The following GNG4 variants were observed in gnomAD, a reference collection of about 807,000 sequenced individuals.
GNG4 encodes guanine nucleotide-binding protein G(I)/G(S)/G(O) subunit gamma-4.
GNG4 carries 4 observed loss-of-function variants against 5.8 expected under a neutral mutation model. The observed-to-expected ratio is 0.69, with a 90% confidence interval of 0.34 to 1.57. GNG4 has a LOEUF of 1.57. GNG4 is among the 40% of genes most tolerant of loss of function. The pLI is 0.06. For missense variants in GNG4, 96 were observed against 95.1 expected (o/e 1.01, Z -0.04); for synonymous variants, 29 against 32.9 (o/e 0.88, Z 0.41).
At chr1:235,611,157 TTC>T (rs1317294841) in intron 1 of GNG4, among the ~76,000 whole-genome samples, 3 of 150,632 alleles carry the variant, frequency 2.0e-5, no homozygotes, top group South Asian at 4.2e-4. Context: ...AGGGCAGAGA[TTC>T]TCTCTCTCTC....
chr1:235,575,628 G>A (rs1038347579), intron 3 of GNG4, among the ~76,000 whole-genome samples: 2 of 152,370 alleles, frequency 1.3e-5, no homozygotes, highest in Middle Eastern at 3.4e-3. Context: ...CAGGACAAAT[G>A]AGACTGGGCA....
intron 3 of GNG4, among the ~76,000 whole-genome samples, chr1:235,567,240 A>G (rs2102923771): frequency 6.6e-6 from 1 of 152,278 alleles, no homozygotes; most frequent in South Asian, 2.1e-4. Flanking sequence ...GGCATAAAAA[A>G]ATGTTTAATT....
intron 1 of GNG4, among the ~76,000 whole-genome samples, chr1:235,619,717 C>T (rs1050504543): frequency 2.0e-5 from 3 of 152,138 alleles, no homozygotes; most frequent in Admixed American, 6.5e-5. Context: ...AGTTCTTCAT[C>T]TTTTCTGTTT....
intron 3 of GNG4, among the ~76,000 whole-genome samples, chr1:235,558,157 G>A (rs979713713): frequency 6.6e-6 from 1 of 152,170 alleles, no homozygotes; most frequent in African/African-American, 2.4e-5. Context: ...CGATCAAGAA[G>A]TGCTCAGTTT....
chr1:235,629,521 A>G (rs73122523), intron 1 of GNG4, among the ~76,000 whole-genome samples: 4,294 of 152,096 alleles, frequency 0.028, 206 homozygotes, highest in African/African-American at 0.095. Flanking sequence ...CTTCTTGTGA[A>G]AAGCCATCTC....
At chr1:235,632,639 AGTCTTCCCTTTTGTAACTGTCTGTC>A (rs1444521949) in intron 1 of GNG4, among the ~76,000 whole-genome samples, 2 of 152,294 alleles carry the variant, frequency 1.3e-5, no homozygotes, top group Middle Eastern at 3.4e-3. Flanking sequence ...TTTGTGTTTT[AGTCTTCCCTTTTGTAACTGTCTGTC>A]GTCTTCCTGC....
At chr1:235,560,785 G>A (rs539659786) in intron 3 of GNG4, among the ~76,000 whole-genome samples, 10 of 152,160 alleles carry the variant, frequency 6.6e-5, no homozygotes, top group Admixed American at 4.6e-4. Flanking sequence ...CATTTAATCC[G>A]AAGCATTTTC....
At chr1:235,567,671 G>A (rs1005133146) in intron 3 of GNG4, among the ~76,000 whole-genome samples, 2 of 152,144 alleles carry the variant, frequency 1.3e-5, no homozygotes, top group Admixed American at 1.3e-4. Context: ...ATAATTTTCT[G>A]TTTTAAGTAT....
At chr1:235,567,488 G>A (rs979268161) in intron 3 of GNG4, among the ~76,000 whole-genome samples, 1 of 152,084 alleles carries the variant, frequency 6.6e-6, no homozygotes, top group Non-Finnish European at 1.5e-5. Context: ...CCCAGGCCCT[G>A]GAGAACACCA....
rs891553265 is a variant in GNG4, at chr1:235,649,413, G to A, written c.-123+249C>T. Among the ~76,000 whole-genome samples the A allele has an allele frequency of 6.6e-6, 1 of 152,124 alleles. No individual in the cohort carries two copies. The highest frequency in any genetic ancestry group is 2.4e-5 in the African/African-American group (1 of 41,438). ...CCCCGGAAGCCCCTGGACGCGCTCC[G>A]AGGGGGCTGTCCACACCCGCGCGCG... On this transcript the variant is annotated intron_variant, in intron 1 of 3. Transcript: ENST00000391854. The surrounding 1 kb of genome is among the most constrained non-coding windows in gnomAD (Gnocchi z 5.7).
chr1:235,550,924 A>G lies in GNG4; in HGVS notation c.*1185T>C, dbSNP rs992702090. 3 of 152,424 alleles carry G rather than the reference A, an allele frequency of 2.0e-5. No homozygotes were observed. The highest frequency in any genetic ancestry group is 7.2e-5 in the African/African-American group (3 of 41,468). 9.4% of individuals were successfully genotyped at this position (152,424 alleles called of 1,614,324 possible). A position where few individuals can be genotyped will look rare whatever the true frequency, so the allele number is the denominator to read the frequency against. On this transcript the variant is annotated 3_prime_UTR_variant, in exon 4 of 4. Coordinates refer to ENST00000391854, the MANE Select transcript of GNG4 (RefSeq NM_001098722.2). Reference sequence around the variant, plus strand: ...GGGCACATAGGGGACTGCTGTCACCATGCCTCACTCCTGCAGGGAAGGGGC... The same window carrying G: ...GGGCACATAGGGGACTGCTGTCACCGTGCCTCACTCCTGCAGGGAAGGGGC...
In GNG4 at chr1:235,572,855, G is replaced by A. The variant is rs557697261; in HGVS notation, c.99+10885C>T. 4.6e-5 allele frequency among the ~76,000 whole-genome samples: 7 copies of A among 152,014 alleles called. No individual in the cohort carries two copies. In the East Asian group the frequency reaches 5.8e-4, roughly 13 times the overall value. ...ACCACCGTCATATATGCAGTCTGTC[G>A]CTGACTAAAACAGTTTTTATGTAGT... On this transcript the variant is annotated intron_variant, in intron 3 of 3. Coordinates refer to ENST00000391854, the MANE Select transcript of GNG4 (RefSeq NM_001098722.2).
At chr1:235,554,192 T>C (rs1248953020) in intron 3 of GNG4, among the ~76,000 whole-genome samples, 5 of 152,132 alleles carry the variant, frequency 3.3e-5, no homozygotes, top group Admixed American at 2.0e-4. Flanking sequence ...TCAAAGCCGG[T>C]GGACTTGGGA....
intron 1 of GNG4, among the ~76,000 whole-genome samples, chr1:235,607,839 C>T (rs1297349928): frequency 6.6e-6 from 1 of 152,210 alleles, no homozygotes; most frequent in East Asian, 1.9e-4. Flanking sequence ...CAGCCCCCTC[C>T]CCTCACTTTA....
At chr1:235,647,866 C>G (rs1240464204) in intron 1 of GNG4, among the ~76,000 whole-genome samples, 1 of 152,150 alleles carries the variant, frequency 6.6e-6, no homozygotes, top group Non-Finnish European at 1.5e-5. Flanking sequence ...GGACTCCTGA[C>G]CTCAAGTGAT....
At chr1:235,580,738 C>CCT (rs1687608304) in intron 3 of GNG4, among the ~76,000 whole-genome samples, 1 of 98,122 alleles carries the variant, frequency 1.0e-5, no homozygotes, top group African/African-American at 3.7e-5. Flanking sequence ...CGGCCTATCC[C>CCT]GTTTTTTGTT....
intron 3 of GNG4, among the ~76,000 whole-genome samples, chr1:235,574,040 G>A (rs1364945322): frequency 5.9e-5 from 9 of 152,046 alleles, no homozygotes; most frequent in Non-Finnish European, 5.9e-5. Flanking sequence ...AAAAGGTAGT[G>A]GTTATAGACC....
At chr1:235,616,047 T>C (rs558347178) in intron 1 of GNG4, 4 of 359,956 alleles carry the variant, frequency 1.1e-5, no homozygotes, top group Non-Finnish European at 1.1e-5. Flanking sequence ...CGGCACCTGG[T>C]GGCCGTCTTC....
chr1:235,617,273 C>A (rs931835057), intron 1 of GNG4, among the ~76,000 whole-genome samples: 3 of 152,166 alleles, frequency 2.0e-5, no homozygotes, highest in African/African-American at 7.2e-5. Context: ...TTGCCTATTA[C>A]TTCTCTCAGA....
Sources: gnomAD v4.1 joint callset for allele counts (sites outside exome capture counted in the v4.1 genomes callset) on GRCh38, gnomAD v4.1.1 for gene constraint, Gnocchi (gnomAD v3.1) non-coding constraint, MANE v1.5 for transcripts, NCBI Gene and HGNC (gene_info 2026-07-23, HGNC 2026-07-21) for gene names.